Variants in OLFM3 observed in about 807,000 individuals in gnomAD.
The protein encoded by OLFM3 is olfactomedin 3.
Under a neutral mutation model 48.6 loss-of-function variants are expected in OLFM3, and 20 were observed. The ratio of observed to expected loss-of-function variants is 0.41; its 90% CI spans 0.29 to 0.60. The LOEUF is 0.60. OLFM3 is among the 20% of genes least tolerant of loss of function. The pLI is 0.28. For missense variants in OLFM3, 437 were observed against 544.3 expected (o/e 0.80, Z 1.96); for synonymous variants, 222 against 198.1 (o/e 1.12, Z -1.01).
intron 1 of OLFM3, among the ~76,000 whole-genome samples, chr1:101,853,913 T>A (rs2100952280): frequency 6.6e-6 from 1 of 152,182 alleles, no homozygotes; most frequent in African/African-American, 2.4e-5. Flanking sequence ...AAGTACTAAC[T>A]CCAACTTTGA....
chr1:101,981,499 A>C (rs958508998), intron 1 of OLFM3, among the ~76,000 whole-genome samples: 1 of 152,162 alleles, frequency 6.6e-6, no homozygotes, highest in African/African-American at 2.4e-5. Context: ...CTTTTACAGC[A>C]AAACTCCTCA....
At chr1:101,993,741 G>T (rs893217177) in intron 1 of OLFM3, among the ~76,000 whole-genome samples, 1 of 151,908 alleles carries the variant, frequency 6.6e-6, no homozygotes, top group Non-Finnish European at 1.5e-5. Flanking sequence ...TGTTGGAAAA[G>T]AATACCAATC....
intron 1 of OLFM3, among the ~76,000 whole-genome samples, chr1:101,842,639 T>C (rs1490007980): frequency 1.3e-5 from 2 of 152,174 alleles, no homozygotes; most frequent in Admixed American, 1.3e-4. Flanking sequence ...TTAGAAGTCA[T>C]ATTTAGTCCC....
chr1:101,960,365 G>A (rs905798942), intron 1 of OLFM3, among the ~76,000 whole-genome samples: 6 of 152,160 alleles, frequency 3.9e-5, no homozygotes, highest in Admixed American at 3.9e-4. Flanking sequence ...CAACATGCCG[G>A]GAGCTTAGAG....
At chr1:101,987,085 G>C (rs1415518144) in intron 1 of OLFM3, among the ~76,000 whole-genome samples, 1 of 151,990 alleles carries the variant, frequency 6.6e-6, no homozygotes, top group Non-Finnish European at 1.5e-5. Flanking sequence ...TTTTGTTTTA[G>C]AACAAATATT....
chr1:101,804,982 A>G lies in OLFM3; in HGVS notation c.700-67T>C, dbSNP rs1653693437. The G allele has an allele frequency of 5.0e-6, 6 of 1,201,030 alleles. No individual in the cohort carries two copies. Among genetic ancestry groups the G allele is most frequent in the Middle Eastern group, 4.0e-4 (2 of 4,942 alleles). The allele number at this position is 1,201,030 out of a possible 1,614,324, so 74.4% of individuals were successfully genotyped here. A position where few individuals can be genotyped will look rare whatever the true frequency, so the allele number is the denominator to read the frequency against. On this transcript the variant is annotated intron_variant, in intron 5 of 5. Coordinates refer to ENST00000370103, the MANE Select transcript of OLFM3 (RefSeq NM_058170.4). This position sits in a 1 kb window ranked among gnomAD's most constrained non-coding sequence, Gnocchi z 4.5. ...TACTTTTCTGATAACCCCAAAAGAA[A>G]GACAGTGAGAGTCAACACTTATTAT...
intron 4 of OLFM3, among the ~76,000 whole-genome samples, chr1:101,820,951 T>A (rs1477475470): frequency 6.6e-6 from 1 of 152,118 alleles, no homozygotes; most frequent in East Asian, 1.9e-4. Flanking sequence ...GCCTTCTTGC[T>A]GTTGTTACTA....
chr1:101,870,341 A>C (rs561966313), intron 1 of OLFM3, among the ~76,000 whole-genome samples: 3 of 152,262 alleles, frequency 2.0e-5, no homozygotes, highest in Admixed American at 6.5e-5. Flanking sequence ...TAATGTTCCC[A>C]GACAGTTTTA....
intron 1 of OLFM3, among the ~76,000 whole-genome samples, chr1:101,982,332 C>G (rs968885518): frequency 6.6e-6 from 1 of 151,962 alleles, no homozygotes; most frequent in African/African-American, 2.4e-5. Flanking sequence ...TGGGATTCTT[C>G]TTAGTAATTT....
intron 1 of OLFM3, among the ~76,000 whole-genome samples, chr1:101,880,504 A>G (rs1479490359): frequency 6.6e-6 from 1 of 151,822 alleles, no homozygotes; most frequent in Non-Finnish European, 1.5e-5. Flanking sequence ...GATTTGTTGT[A>G]TGATAAACTG....
intron 1 of OLFM3, among the ~76,000 whole-genome samples, chr1:101,973,796 A>G (rs1570680507): frequency 1.3e-5 from 2 of 152,216 alleles, no homozygotes; most frequent in African/African-American, 4.8e-5. Flanking sequence ...AGGACAAGAA[A>G]GAGAGATGAG....
chr1:101,866,998 G>A (rs1656885105), intron 1 of OLFM3, among the ~76,000 whole-genome samples: 1 of 152,138 alleles, frequency 6.6e-6, no homozygotes, highest in Non-Finnish European at 1.5e-5. Flanking sequence ...TGACTTACTG[G>A]TCTGCACCTT....
At chr1:101,990,989 T>TAA (rs58481588) in intron 1 of OLFM3, among the ~76,000 whole-genome samples, 146 of 8,906 alleles carry the variant, frequency 0.016, 8 homozygotes, top group Non-Finnish European at 0.027. Flanking sequence ...TGTCAAAAAG[T>TAA]AAAAAAAAAA....
chr1:101,965,221 A>G (rs1298505424), intron 1 of OLFM3, among the ~76,000 whole-genome samples: 2 of 152,240 alleles, frequency 1.3e-5, no homozygotes, highest in Non-Finnish European at 2.9e-5. Context: ...TAACCTGAAT[A>G]AATGCACAAT....
chr1:101,950,035 A>G (rs887703762), intron 1 of OLFM3, among the ~76,000 whole-genome samples: 6 of 130,884 alleles, frequency 4.6e-5, no homozygotes, highest in Admixed American at 3.1e-4. Context: ...CTTAAAAAAA[A>G]AAAAAAAAAA....
intron 3 of OLFM3, among the ~76,000 whole-genome samples, chr1:101,827,460 C>A (rs1422696180): frequency 1.3e-5 from 2 of 152,110 alleles, no homozygotes; most frequent in Non-Finnish European, 2.9e-5. Context: ...GCTGGGACTA[C>A]AAGCGCCTGC....
At chr1:101,834,963 C>A in intron 2 of OLFM3, among the ~76,000 whole-genome samples, 1 of 152,216 alleles carries the variant, frequency 6.6e-6, no homozygotes. Context: ...AGGGAATTAT[C>A]CACTTTCTGA....
chr1:101,990,608 TTC>T (rs1261133173), intron 1 of OLFM3, among the ~76,000 whole-genome samples: 1 of 152,188 alleles, frequency 6.6e-6, no homozygotes, highest in Non-Finnish European at 1.5e-5. Context: ...CATGTCCAGC[TTC>T]TGTTTTTACA....
At chr1:101,899,723 T>C (rs1047013477) in intron 1 of OLFM3, among the ~76,000 whole-genome samples, 1 of 152,144 alleles carries the variant, frequency 6.6e-6, no homozygotes, top group African/African-American at 2.4e-5. Context: ...ATAATTTGAA[T>C]TGTAAAAAAA....
Sources: gnomAD v4.1 joint callset for allele counts (sites outside exome capture counted in the v4.1 genomes callset) on GRCh38, gnomAD v4.1.1 for gene constraint, Gnocchi (gnomAD v3.1) non-coding constraint, MANE v1.5 for transcripts, NCBI Gene and HGNC (gene_info 2026-07-23, HGNC 2026-07-21) for gene names.